ABCC12: variants seen among roughly 807,000 people sequenced by gnomAD.
The protein encoded by ABCC12 is ATP binding cassette subfamily C member 12.
In ABCC12, 142 loss-of-function variants were observed where a neutral mutation model predicts 151.1. The observed-to-expected ratio is 0.94, with a 90% CI of 0.82 to 1.08. The LOEUF is 1.08. ABCC12 is among the 50% of genes least tolerant of loss of function. The probability of loss-of-function intolerance (pLI) is 0.00; values close to 1 mark genes in which losing one functional copy is unlikely to be tolerated. For missense variants in ABCC12, 1,638 were observed against 1,691.1 expected (o/e 0.97, Z 0.55); for synonymous variants, 645 against 646.4 (o/e 1.00, Z 0.03).
At chr16:48,142,434 T>C (rs374987581) in intron 4 of ABCC12, among the ~76,000 whole-genome samples, 10 of 152,212 alleles carry the variant, frequency 6.6e-5, no homozygotes, top group African/African-American at 2.4e-4. Flanking sequence ...AAGTGGACAT[T>C]GGGTAGATGG....
At chr16:48,112,581 C>T (rs2150619979) in intron 15 of ABCC12, among the ~76,000 whole-genome samples, 1 of 152,240 alleles carries the variant, frequency 6.6e-6, no homozygotes, top group African/African-American at 2.4e-5. Context: ...GATGACAGAG[C>T]AAGACTCTGT....
At chr16:48,105,365 G>A (rs551370454) in intron 20 of ABCC12, 29 bp from the exon 21 acceptor site, 2 of 1,570,376 alleles carry the variant, frequency 1.3e-6, no homozygotes, top group South Asian at 2.3e-5. Context: ...GAAGCACCAA[G>A]AATTGATAAA....
chr16:48,146,194 A>C (rs1964994774), intron 3 of ABCC12, 112 bp downstream of exon 3: 1 of 935,748 alleles, frequency 1.1e-6, no homozygotes, highest in Non-Finnish European at 1.7e-6. Context: ...GGACGGACAA[A>C]AGGACGAGCA....
chr16:48,121,276 G>A (rs1288106725), intron 13 of ABCC12: 2 of 152,994 alleles, frequency 1.3e-5, no homozygotes, highest in Non-Finnish European at 2.9e-5. Flanking sequence ...AGACCATTCT[G>A]AGGACACTAA....
chr16:48,139,497 T>C (rs1435353657), intron 6 of ABCC12, among the ~76,000 whole-genome samples, 161 bp from the exon 7 acceptor site: 5 of 152,088 alleles, frequency 3.3e-5, no homozygotes, highest in Admixed American at 2.0e-4. Flanking sequence ...GTTTTATGGG[T>C]TCTGGTACGA....
chr16:48,115,502 G>T lies in ABCC12; in HGVS notation c.1902C>A (p.Asp634Glu), dbSNP rs766224799. The T allele has an allele frequency of 6.2e-7, 1 of 1,614,072 alleles. No individual in the cohort carries two copies. The highest frequency in any genetic ancestry group is 8.5e-7 in the Non-Finnish European group (1 of 1,180,046). Residue 634 changes from aspartate (D) to glutamate (E), a missense_variant, in exon 15 of 31, where the codon GAC (aspartate) becomes GAA (glutamate). Asp to Glu is a conservative substitution (Grantham distance 45). Coordinates refer to ENST00000311303, the MANE Select transcript of ABCC12 (RefSeq NM_001393797.1). ...YLLDDPLSAV[D>E]AHVGKHVFEE... ...CAAAGACGTGCTTCCCCACGTGGGC[G>T]TCCACGGCCGACAGGGGGTCGTCCA...
intron 4 of ABCC12, 139 bp from the exon 5 acceptor site, chr16:48,141,492 C>T: frequency 1.8e-6 from 2 of 1,117,502 alleles, no homozygotes; most frequent in South Asian, 1.5e-5. Context: ...ACTGGCTCAG[C>T]TTTCTGCTCT....
At chr16:48,133,550 AG>A in intron 9 of ABCC12, 136 bp downstream of exon 9, 1 of 739,390 alleles carries the variant, frequency 1.4e-6, no homozygotes, top group Non-Finnish European at 2.0e-6. Flanking sequence ...AAAAAGTTGG[AG>A]TTGAAGTCAC....
intron 6 of ABCC12, among the ~76,000 whole-genome samples, chr16:48,139,626 C>G (rs1029645597): frequency 1.3e-5 from 2 of 152,156 alleles, no homozygotes; most frequent in Non-Finnish European, 2.9e-5. Flanking sequence ...TCCCCCACCC[C>G]CTTCTCCCTC....
At chr16:48,155,491 C>T (rs1965173627) in intron 1 of ABCC12, among the ~76,000 whole-genome samples, 1 of 151,558 alleles carries the variant, frequency 6.6e-6, no homozygotes, top group African/African-American at 2.4e-5. Flanking sequence ...ATTGTGAACA[C>T]TACCCTGTAT....
intron 15 of ABCC12, among the ~76,000 whole-genome samples, chr16:48,114,790 G>A (rs1297672292): frequency 6.6e-6 from 1 of 152,160 alleles, no homozygotes. Context: ...AATGCAGTGA[G>A]GGCTGTTCCC....
At chr16:48,110,577 T>C (rs1963650354) in intron 18 of ABCC12, among the ~76,000 whole-genome samples, 1 of 151,830 alleles carries the variant, frequency 6.6e-6, no homozygotes, top group South Asian at 2.1e-4. Context: ...GGAGAAGAGG[T>C]GGCCTGACCA....
chr16:48,125,211 G>A (rs556998701), intron 11 of ABCC12, among the ~76,000 whole-genome samples: 3 of 152,334 alleles, frequency 2.0e-5, no homozygotes, highest in East Asian at 1.9e-4. Context: ...AGCCTATTGG[G>A]TTGGCTCCCT....
intron 12 of ABCC12, among the ~76,000 whole-genome samples, chr16:48,123,297 T>C (rs989670607): frequency 6.6e-6 from 1 of 152,118 alleles, no homozygotes; most frequent in East Asian, 1.9e-4. Context: ...GTCACCTCTA[T>C]GGCTCACGCT....
intron 6 of ABCC12, 135 bp downstream of exon 6, chr16:48,140,552 A>G: frequency 1.2e-6 from 1 of 826,522 alleles, no homozygotes; most frequent in East Asian, 2.5e-5. Context: ...TCACTTAGCC[A>G]GGAGATGGGA....
At position 48,153,597 on chromosome 16, in the gene ABCC12, G is replaced by C. The variant is rs1003614834; in HGVS notation, c.-51+19C>G. On this transcript the variant is annotated intron_variant, in intron 2 of 30. Transcript: ENST00000311303. ...CCCCTTTGAGAAGGTGGAACTCATT[G>C]TCAGTGGAGAACCCTTACCTATAAC... 1 of 152,204 alleles carries C rather than the reference G, an allele frequency of 6.6e-6. No homozygotes were observed. Among genetic ancestry groups the C allele is most frequent in the Non-Finnish European group, 1.5e-5 (1 of 68,044 alleles). 9.4% of individuals were successfully genotyped at this position (152,204 alleles called of 1,614,324 possible).
chr16:48,149,244 CAA>C (rs1175912271), intron 2 of ABCC12, among the ~76,000 whole-genome samples: 9,961 of 64,848 alleles, frequency 0.15, 402 homozygotes, highest in African/African-American at 0.19. Context: ...GTAGATTAAC[CAA>C]AAAAAAAAAA....
chr16:48,085,560 A>T, intron 29 of ABCC12, 33 bp downstream of exon 29: 2 of 1,600,274 alleles, frequency 1.2e-6, no homozygotes, highest in Non-Finnish European at 1.7e-6. Flanking sequence ...AAATATCCAA[A>T]ATTTGACCAA....
At chr16:48,118,452 A>G (rs1259048665) in intron 13 of ABCC12, among the ~76,000 whole-genome samples, 2 of 152,236 alleles carry the variant, frequency 1.3e-5, no homozygotes, top group Non-Finnish European at 2.9e-5. Context: ...GCTGCTGAGC[A>G]GCACCACTGG....
Sources: gnomAD v4.1 joint callset for allele counts (sites outside exome capture counted in the v4.1 genomes callset) on GRCh38, gnomAD v4.1.1 for gene constraint, MANE v1.5 for transcripts, NCBI Gene and HGNC (gene_info 2026-07-23, HGNC 2026-07-21) for gene names.